Variants in TAPT1 observed in about 807,000 individuals in gnomAD.
TAPT1 encodes the protein transmembrane anterior posterior transformation 1.
In TAPT1, 28 loss-of-function variants were observed where a neutral mutation model predicts 65.6. The observed-to-expected ratio is 0.43, with a 90% CI of 0.32 to 0.59. TAPT1 has a LOEUF of 0.59. TAPT1 is among the 20% of genes least tolerant of loss of function. TAPT1 has a pLI of 0.09. For missense variants in TAPT1, 563 were observed against 679.9 expected, an observed-to-expected ratio of 0.83 and a Z score of 1.91; for synonymous variants, 278 against 245.2, an observed-to-expected ratio of 1.13 and a Z score of -1.25.
At position 16,176,119 on chromosome 4, in the gene TAPT1, A is replaced by G; in HGVS notation, c.1107T>C (p.Asp369=). The part of the protein sequence containing the change: ...FITKFNDITA[D]VYSEYRASLA... Reference sequence around the variant, plus strand: ...TTGAAGTGCATATCAAAATACATACATCTGCAGTAATGTCATTGAATTTAG... The same window carrying G: ...TTGAAGTGCATATCAAAATACATACGTCTGCAGTAATGTCATTGAATTTAG... Residue 369 remains aspartate (D), a splice_region_variant and synonymous_variant, in exon 9 of 14, where the codon GAT becomes GAC. Coordinates refer to ENST00000405303, the MANE Select transcript of TAPT1 (RefSeq NM_153365.3). The G allele has an allele frequency of 2.8e-6, 4 of 1,444,742 alleles. No homozygotes were observed. Among genetic ancestry groups the G allele is most frequent in the Non-Finnish European group, 2.8e-6 (3 of 1,060,954 alleles). 89.5% of individuals were successfully genotyped at this position (1,444,742 alleles called of 1,614,324 possible).
chr4:16,166,991 C>CAT, intron 12 of TAPT1, 198 bp from the exon 13 acceptor site: 1 of 159,572 alleles, frequency 6.3e-6, no homozygotes, highest in African/African-American at 3.9e-5. Flanking sequence ...CCTTAGTTCT[C>CAT]TTTTTTTTTT....
chr4:16,208,515 A>ATTG (rs1750469332), intron 2 of TAPT1, among the ~76,000 whole-genome samples: 1 of 152,116 alleles, frequency 6.6e-6, no homozygotes, highest in Non-Finnish European at 1.5e-5. Context: ...GGCAATGCCC[A>ATTG]CCCCATTTCT....
intron 8 of TAPT1, among the ~76,000 whole-genome samples, chr4:16,178,331 G>T (rs1294917577): frequency 6.6e-6 from 1 of 152,078 alleles, no homozygotes; most frequent in African/African-American, 2.4e-5. Flanking sequence ...CTCCAAGACC[G>T]TATCTCTCAT....
upstream of TAPT1, chr4:16,227,146 G>A (rs1211441965): frequency 4.4e-6 from 2 of 455,794 alleles, no homozygotes; most frequent in Non-Finnish European, 8.8e-6. Flanking sequence ...AAAGCATTTG[G>A]GCAAGAAGGA....
chr4:16,208,095 A>G (rs1246759652), intron 2 of TAPT1, among the ~76,000 whole-genome samples: 7 of 152,240 alleles, frequency 4.6e-5, no homozygotes. Context: ...TATTTAACCC[A>G]AGAAATAAAT....
intron 7 of TAPT1, among the ~76,000 whole-genome samples, chr4:16,182,021 ATCTT>A (rs947216861): frequency 2.6e-4 from 39 of 152,348 alleles, no homozygotes; most frequent in African/African-American, 8.4e-4. Flanking sequence ...AATTAACTCT[ATCTT>A]TATTTGATAA....
intron 1 of TAPT1, among the ~76,000 whole-genome samples, chr4:16,221,778 T>C (rs1469238593): frequency 1.3e-5 from 2 of 152,182 alleles, no homozygotes; most frequent in Non-Finnish European, 2.9e-5. Flanking sequence ...AACATAAAAC[T>C]TTAGTAAACT....
chr4:16,169,949 C>T (rs1747886182), intron 12 of TAPT1, among the ~76,000 whole-genome samples: 2 of 152,164 alleles, frequency 1.3e-5, no homozygotes, highest in Admixed American at 1.3e-4. Flanking sequence ...CTCAGACCAC[C>T]CCTCCCTGAG....
At position 16,173,998 on chromosome 4, in the gene TAPT1, C is replaced by T. The variant is rs113339721; in HGVS notation, c.1236+206G>A. Among the ~76,000 whole-genome samples the T allele has an allele frequency of 0.024, 3,616 of 152,194 alleles. 129 individuals carry two copies. Among genetic ancestry groups the T allele is most frequent in the African/African-American group, 0.08 (3,310 of 41,506 alleles). On this transcript the variant is annotated intron_variant, in intron 11 of 13. Transcript: ENST00000405303. ...AAGCCATTTACATAAAACAGCTAAG[C>T]GTCACTCATCTATTGGATGGCTCAA...
chr4:16,166,553 A>C, intron 13 of TAPT1, 80 bp downstream of exon 13: 2 of 1,535,240 alleles, frequency 1.3e-6, no homozygotes, highest in Middle Eastern at 1.7e-4. Flanking sequence ...CAATCTTTAA[A>C]GCGTTGCTTA....
intron 1 of TAPT1, 64 bp from the exon 2 acceptor site, chr4:16,213,962 C>A: frequency 6.9e-7 from 1 of 1,440,160 alleles, no homozygotes; most frequent in East Asian, 2.4e-5. Context: ...TCCACGCTAG[C>A]TGGGGCCACA....
intron 13 of TAPT1, among the ~76,000 whole-genome samples, chr4:16,166,271 C>A (rs1310464558): frequency 6.6e-6 from 1 of 152,236 alleles, no homozygotes; most frequent in Non-Finnish European, 1.5e-5. Flanking sequence ...CCCCGTCCTG[C>A]TTTTGTTTTC....
intron 7 of TAPT1, among the ~76,000 whole-genome samples, chr4:16,180,602 G>GATGT (rs1302995585): frequency 3.9e-5 from 6 of 152,122 alleles, no homozygotes; most frequent in Non-Finnish European, 7.4e-5. Flanking sequence ...ATTTCATCCT[G>GATGT]ATGTACTTCA....
intron 2 of TAPT1, among the ~76,000 whole-genome samples, chr4:16,202,971 T>C (rs553926833): frequency 6.6e-6 from 1 of 152,220 alleles, no homozygotes; most frequent in Admixed American, 6.5e-5. Flanking sequence ...CAATATTGTT[T>C]ATGTTAAAAA....
intron 3 of TAPT1, among the ~76,000 whole-genome samples, chr4:16,193,455 G>A (rs1749507481): frequency 6.6e-6 from 1 of 152,114 alleles, no homozygotes; most frequent in Non-Finnish European, 1.5e-5. Flanking sequence ...GAGAGAAAGA[G>A]AGACCTTTTT....
chr4:16,179,940 G>A (rs1485028756), intron 7 of TAPT1, among the ~76,000 whole-genome samples: 1 of 152,024 alleles, frequency 6.6e-6, no homozygotes, highest in Non-Finnish European at 1.5e-5. Context: ...CCATCAAACT[G>A]CTCAGATGAG....
chr4:16,195,537 A>T (rs925405492), intron 3 of TAPT1, among the ~76,000 whole-genome samples: 1 of 152,252 alleles, frequency 6.6e-6, no homozygotes, highest in East Asian at 1.9e-4. Context: ...ATTTTTCAAC[A>T]TAAGACATTT....
intron 13 of TAPT1, among the ~76,000 whole-genome samples, chr4:16,165,871 C>A (rs1747575939): frequency 6.6e-6 from 1 of 152,196 alleles, no homozygotes; most frequent in Non-Finnish European, 1.5e-5. Flanking sequence ...GTCCCTACCT[C>A]TGGGCCCACC....
At chr4:16,216,525 G>A (rs1238477402) in intron 1 of TAPT1, among the ~76,000 whole-genome samples, 1 of 151,978 alleles carries the variant, frequency 6.6e-6, no homozygotes, top group Non-Finnish European at 1.5e-5. Flanking sequence ...CCTAAAAAAC[G>A]AAACCAGTAT....
Sources: gnomAD v4.1 joint callset for allele counts (sites outside exome capture counted in the v4.1 genomes callset) on GRCh38, gnomAD v4.1.1 for gene constraint, MANE v1.5 for transcripts, NCBI Gene and HGNC (gene_info 2026-07-23, HGNC 2026-07-21) for gene names.